MYOF: variants seen among roughly 807,000 people sequenced by gnomAD.
MYOF encodes the protein fer-1-like 3, myoferlin.
In MYOF, 244 loss-of-function variants were observed where a neutral mutation model predicts 284.2. That is an observed-to-expected ratio of 0.86 (90% CI 0.77 to 0.95). The LOEUF (loss-of-function observed/expected upper bound fraction) is 0.95. Among genes scored for constraint, MYOF ranks in the 40% least tolerant of loss-of-function variants. MYOF has a pLI of 0.00. For synonymous variants in MYOF, 904 were observed against 919.7 expected (o/e 0.98, Z 0.31); for missense variants, 2,496 against 2,560.6 (o/e 0.97, Z 0.54).
At chr10:93,409,850 A>T (rs999241910) in intron 5 of MYOF, 111 bp from the exon 6 acceptor site, 10 of 1,351,138 alleles carry the variant, frequency 7.4e-6, no homozygotes, top group Non-Finnish European at 1.0e-5. Context: ...AAGTGTTCCT[A>T]AAGTGGCAGG....
At chr10:93,323,406 G>T in intron 46 of MYOF, 48 bp from the exon 47 acceptor site, 1 of 1,466,988 alleles carries the variant, frequency 6.8e-7, no homozygotes, top group Non-Finnish European at 9.3e-7. Flanking sequence ...ATGATGGGTA[G>T]CAGAAGTCAC....
chr10:93,365,156 A>T lies in MYOF; in HGVS notation c.2754-1081T>A, dbSNP rs117066172. Among the ~76,000 whole-genome samples, 36 of 152,322 alleles carry T rather than the reference A, an allele frequency of 2.4e-4. No homozygotes were observed. The East Asian group carries it at 6.4e-3, about 27-fold the overall frequency. ...CAAGCAAGCACGTTTGGGTCTTAAG[A>T]GAGCAGTATTTTCTCTTCCCTCCTC... On this transcript the variant is annotated intron_variant, in intron 26 of 53. Transcript: ENST00000359263.
chr10:93,400,953 A>C (rs1174715265), intron 12 of MYOF, among the ~76,000 whole-genome samples: 1 of 150,324 alleles, frequency 6.7e-6, no homozygotes, highest in East Asian at 2.0e-4. Context: ...CCTGGGTTCA[A>C]GTGATTCTCA....
At position 93,355,749 on chromosome 10, in the gene MYOF, AAC is replaced by A. The variant is rs752172991; in HGVS notation, c.3295-15_3295-14del. On this transcript the variant is annotated splice_polypyrimidine_tract_variant and intron_variant, in intron 30 of 53. Transcript: ENST00000359263. ...TAGTGTCTGCCCCCTGAAGTCAATT[AAC>A]AGAGTCAATTAGCAGAGAAGTCAAT... 1.9e-6 allele frequency: 3 copies of A among 1,600,702 alleles called. No individual in the cohort carries two copies. Among genetic ancestry groups the A allele is most frequent in the Non-Finnish European group, 2.6e-6 (3 of 1,169,180 alleles).
At chr10:93,448,956 C>T (rs1001138209) in intron 3 of MYOF, among the ~76,000 whole-genome samples, 10 of 152,052 alleles carry the variant, frequency 6.6e-5, no homozygotes, top group Admixed American at 2.0e-4. Context: ...GATCACGCCA[C>T]TGCACTCCAG....
Position 93,323,319 on chromosome 10 carries a change from A to T in MYOF, c.5311T>A (p.Leu1771Met). ...QMWVDVFPKSLGPPGPPFNIT... is the reference protein window; with the variant it reads ...QMWVDVFPKSMGPPGPPFNIT... ...TTGAAAGGAGGGCCTGGTGGCCCCA[A>T]ACTCTTGGGGAAAACATCCACCCAC... is the stretch of plus-strand genomic sequence containing the variant. The change falls in exon 47 of 54, where the codon TTG (leucine) becomes ATG (methionine). Residue 1771 changes from leucine (L) to methionine (M), a missense_variant. Coordinates refer to ENST00000359263, the MANE Select transcript of MYOF (RefSeq NM_013451.4). 6.2e-7 allele frequency: 1 copy of T among 1,614,034 alleles called. No individual in the cohort carries two copies. The highest frequency in any genetic ancestry group is 8.5e-7 in the Non-Finnish European group (1 of 1,179,906).
intron 21 of MYOF, among the ~76,000 whole-genome samples, chr10:93,378,788 C>T (rs1845980231): frequency 6.7e-6 from 1 of 150,150 alleles, no homozygotes; most frequent in Admixed American, 6.7e-5. Context: ...TCTTGGCTCA[C>T]TGCAACCTCC....
chr10:93,318,550 G>GGA (rs1296830844), intron 49 of MYOF, among the ~76,000 whole-genome samples: 22 of 152,120 alleles, frequency 1.4e-4, no homozygotes, highest in Admixed American at 1.4e-3. Context: ...CCTGAGGTCA[G>GGA]GAGTTCAAGA....
intron 45 of MYOF, among the ~76,000 whole-genome samples, chr10:93,326,800 T>C (rs1169097867): frequency 6.6e-6 from 1 of 151,964 alleles, no homozygotes; most frequent in Non-Finnish European, 1.5e-5. Flanking sequence ...AATTTTTGTA[T>C]TTTTAGTAGA....
intron 26 of MYOF, among the ~76,000 whole-genome samples, chr10:93,364,368 G>C (rs1194209533): frequency 2.0e-5 from 3 of 152,352 alleles, no homozygotes; most frequent in Admixed American, 6.5e-5. Flanking sequence ...ATTGTGGGCA[G>C]CTTCTTACAG....
intron 49 of MYOF, among the ~76,000 whole-genome samples, chr10:93,319,641 G>A (rs1564614620): frequency 1.3e-5 from 2 of 152,044 alleles, no homozygotes; most frequent in African/African-American, 4.8e-5. Context: ...ACCAGTATGT[G>A]AGTATGTGAG....
Position 93,424,928 on chromosome 10 carries a change from C to CTTTTT in MYOF, c.433+1142_433+1143insAAAAA, listed in dbSNP as rs1433325912. Among the ~76,000 whole-genome samples the CTTTTT allele has an allele frequency of 1.2e-4, 11 of 92,756 alleles. No homozygotes were observed. In the East Asian group the frequency reaches 0.012, roughly 98 times the overall value. 60.9% of individuals were successfully genotyped at this position (92,756 alleles called of 152,430 possible). A position where few individuals can be genotyped will look rare whatever the true frequency, so the allele number is the denominator to read the frequency against. ...GACTTCCTCCCAGGAGGGAGAATTC[C>CTTTTT]ATTTTTTTTTTTTTTTTTTTTTTTT... On this transcript the variant is annotated intron_variant, in intron 5 of 53. Coordinates refer to ENST00000359263, the MANE Select transcript of MYOF (RefSeq NM_013451.4).
chr10:93,332,791 G>A (rs907995470), intron 43 of MYOF, among the ~76,000 whole-genome samples: 14 of 152,050 alleles, frequency 9.2e-5, no homozygotes, highest in East Asian at 2.0e-4. Flanking sequence ...AGCTTGCAGT[G>A]AGCCGAGATC....
At chr10:93,401,802 T>C (rs201928199) in intron 11 of MYOF, among the ~76,000 whole-genome samples, 1 of 66,866 alleles carries the variant, frequency 1.5e-5, no homozygotes, top group African/African-American at 3.7e-5. Context: ...CGTGTGTGTG[T>C]GTGTGTGTGT....
chr10:93,448,201 C>A (rs753895105), intron 3 of MYOF, among the ~76,000 whole-genome samples: 4 of 151,942 alleles, frequency 2.6e-5, no homozygotes, highest in Admixed American at 6.6e-5. Context: ...ATTCTTCCCC[C>A]CTACTCCCTA....
intron 43 of MYOF, among the ~76,000 whole-genome samples, chr10:93,331,256 C>T (rs993082571): frequency 1.3e-5 from 2 of 152,076 alleles, no homozygotes; most frequent in African/African-American, 2.4e-5. Flanking sequence ...AGAGTCTCTG[C>T]GGAGAAGAAA....
intron 39 of MYOF, 44 bp from the exon 40 acceptor site, chr10:93,337,957 A>G (rs757754452): frequency 1.4e-6 from 2 of 1,407,604 alleles, no homozygotes; most frequent in Non-Finnish European, 2.0e-6. Context: ...GATGTCCTGG[A>G]TTTCCAATCG....
intron 22 of MYOF, 69 bp from the exon 23 acceptor site, chr10:93,375,024 C>A (rs1045846129): frequency 5.9e-5 from 84 of 1,413,116 alleles, no homozygotes; most frequent in Non-Finnish European, 7.5e-5. Flanking sequence ...TCAGAACTGT[C>A]AAATACATTT....
At chr10:93,412,326 C>A (rs1847930001) in intron 5 of MYOF, among the ~76,000 whole-genome samples, 1 of 152,174 alleles carries the variant, frequency 6.6e-6, no homozygotes, top group African/African-American at 2.4e-5. Context: ...GATAAGGAAT[C>A]TTTGTCCTCT....
Sources: gnomAD v4.1 joint callset for allele counts (sites outside exome capture counted in the v4.1 genomes callset) on GRCh38, gnomAD v4.1.1 for gene constraint, MANE v1.5 for transcripts, NCBI Gene and HGNC (gene_info 2026-07-23, HGNC 2026-07-21) for gene names.